KIAA0232: variants seen among roughly 807,000 people sequenced by gnomAD.
KIAA0232 encodes the protein uncharacterized protein KIAA0232.
In KIAA0232, 27 loss-of-function variants were observed where a neutral mutation model predicts 122.0. The ratio of observed to expected loss-of-function variants is 0.22; its 90% CI spans 0.16 to 0.31. The LOEUF is 0.31. Among genes scored for constraint, KIAA0232 ranks in the 10% least tolerant of loss-of-function variants. The probability of loss-of-function intolerance (pLI) is 1.00; values close to 1 mark genes in which losing one functional copy is unlikely to be tolerated. For synonymous variants in KIAA0232, 613 were observed against 587.6 expected, an observed-to-expected ratio of 1.04 and a Z score of -0.63; for missense variants, 1,551 against 1,634.2, an observed-to-expected ratio of 0.95 and a Z score of 0.88.
chr4:6,863,350 T>C lies in KIAA0232; in HGVS notation c.2968T>C (p.Trp990Arg), dbSNP rs755753009. 4.0e-5 allele frequency: 64 copies of C among 1,614,066 alleles called. No individual in the cohort carries two copies. Among genetic ancestry groups the C allele is most frequent in the East Asian group, 8.9e-5 (4 of 44,894 alleles). Residue 990 changes from tryptophan to arginine, a missense_variant, in exon 7 of 10, where the codon TGG becomes CGG. Transcript: ENST00000307659. The part of the protein sequence containing the change: ...NSFAPGHRQL[W>R]KPFVSFEQND... ...TTTTGCTCCTGGGCACAGGCAGTTA[T>C]GGAAACCCTTCGTGTCATTTGAACA...
At position 6,861,054 on chromosome 4, in the gene KIAA0232, C is replaced by G. The variant is rs756048536; in HGVS notation, c.672C>G (p.Asp224Glu). Residue 224 changes from aspartate (D) to glutamate (E), a missense_variant, in exon 7 of 10, where the codon GAC becomes GAG. Asp to Glu is a conservative substitution (Grantham distance 45, BLOSUM62 2). Around this residue, in one of 5 missense-constraint regions of KIAA0232, gnomAD observed 377 missense variants for 381.7 expected, o/e 0.99. Transcript: ENST00000307659. ...PASTDTSSPKDCNSESEVTKE... is the reference protein window; with the variant it reads ...PASTDTSSPKECNSESEVTKE... Reference sequence around the variant, plus strand: ...GCACAGATACTTCCTCTCCTAAGGACTGCAACAGTGAAAGTGAAGTCACCA... The same window carrying G: ...GCACAGATACTTCCTCTCCTAAGGAGTGCAACAGTGAAAGTGAAGTCACCA... The G allele has an allele frequency of 1.7e-5, 28 of 1,614,080 alleles. No homozygotes were observed. In the African/African-American group the frequency reaches 3.6e-4, roughly 21 times the overall value.
chr4:6,821,297 C>T (rs969467798), intron 2 of KIAA0232, among the ~76,000 whole-genome samples: 3 of 151,814 alleles, frequency 2.0e-5, no homozygotes, highest in Non-Finnish European at 2.9e-5. Context: ...GTGGTGATTT[C>T]TGAGATTTTG....
chr4:6,814,171 G>A (rs145137583), intron 2 of KIAA0232, among the ~76,000 whole-genome samples: 36 of 152,230 alleles, frequency 2.4e-4, no homozygotes, highest in Non-Finnish European at 4.1e-4. Flanking sequence ...GCAGATGTCT[G>A]TGTTCTAAAA....
chr4:6,878,384 C>T (rs10029720), intron 9 of KIAA0232, among the ~76,000 whole-genome samples: 1,997 of 47,634 alleles, frequency 0.042, 48 homozygotes, highest in African/African-American at 0.11. Flanking sequence ...TTCATTCATA[C>T]ATACATACAT....
intron 2 of KIAA0232, among the ~76,000 whole-genome samples, chr4:6,823,403 AG>A (rs1351413326): frequency 2.0e-5 from 3 of 152,162 alleles, no homozygotes; most frequent in Admixed American, 6.5e-5. Context: ...CAACAGTGTA[AG>A]AAGTGTTCCT....
chr4:6,848,583 ATAT>A (rs1289404523), intron 4 of KIAA0232, among the ~76,000 whole-genome samples: 3 of 152,198 alleles, frequency 2.0e-5, no homozygotes, highest in African/African-American at 7.2e-5. Flanking sequence ...TTATATGCAA[ATAT>A]TATGCCATTT....
At chr4:6,865,724 T>C (rs187955273) in intron 7 of KIAA0232, among the ~76,000 whole-genome samples, 1 of 152,274 alleles carries the variant, frequency 6.6e-6, no homozygotes, top group Non-Finnish European at 1.5e-5. Flanking sequence ...CACATCCAAA[T>C]CCTACCCATA....
chr4:6,853,831 G>A (rs1005627760), intron 4 of KIAA0232, among the ~76,000 whole-genome samples: 10 of 152,156 alleles, frequency 6.6e-5, no homozygotes, highest in Non-Finnish European at 1.5e-4. Context: ...GTAGGGATGG[G>A]AAGTGATAGG....
At chr4:6,791,163 G>A (rs186792460) in intron 1 of KIAA0232, among the ~76,000 whole-genome samples, 172 of 149,684 alleles carry the variant, frequency 1.1e-3, no homozygotes, top group African/African-American at 3.6e-3. Flanking sequence ...CAGGCAGTCC[G>A]CCCGCCTTGG....
rs1277913541 is a variant in KIAA0232 at position 6,883,209 on chromosome 4, C to T, written c.*2243C>T. 1 of 152,600 alleles carries T rather than the reference C, an allele frequency of 6.6e-6. No homozygotes were observed. The highest frequency in any genetic ancestry group is 1.5e-5 in the Non-Finnish European group (1 of 68,028). 9.5% of individuals were successfully genotyped at this position (152,600 alleles called of 1,614,324 possible). ...CGCTGAAACGCACTGTGGTATGAAG[C>T]GCATTGCATTTCCATAGCACTGAAG... is the stretch of plus-strand genomic sequence containing the variant. On this transcript the variant is annotated 3_prime_UTR_variant, in exon 10 of 10. Coordinates refer to ENST00000307659, the MANE Select transcript of KIAA0232 (RefSeq NM_014743.3).
chr4:6,871,602 G>C lies in KIAA0232; in HGVS notation c.3830G>C (p.Gly1277Ala), dbSNP rs761320749. The change falls in exon 8 of 10, where the codon GGA becomes GCA. Residue 1277 changes from glycine to alanine, a missense_variant. Physicochemically the swap from Gly to Ala is moderately conservative, Grantham distance 60. Coordinates refer to ENST00000307659, the MANE Select transcript of KIAA0232 (RefSeq NM_014743.3). ...EFPVLNTDIQ[G>A]MNRSQEKQTW... The stretch of plus-strand genomic sequence containing the variant: ...CCTGTATTGAACACTGATATACAAG[G>C]AATGAATAGAAGTCAAGAAAAACAG... 6.2e-7 allele frequency: 1 copy of C among 1,609,722 alleles called. No individual in the cohort carries two copies. Among genetic ancestry groups the C allele is most frequent in the South Asian group, 1.1e-5 (1 of 90,936 alleles).
Position 6,864,132 on chromosome 4 carries a change from T to G in KIAA0232, c.3750T>G (p.Cys1250Trp), listed in dbSNP as rs528329904. ...INNFCGCKAG[C>W]QFPAYEDNPV... ...ATTTTTGTGGTTGCAAAGCAGGTTG[T>G]CAGTTTCCTGCTTATGAAGATAATC... The change falls in exon 7 of 10, where the codon TGT (cysteine) becomes TGG (tryptophan). Residue 1250 changes from cysteine (C) to tryptophan (W), a missense_variant. This residue lies in a region of KIAA0232 where 1,108 missense variants were observed against 1,154.8 expected (regional missense o/e 0.96). Transcript: ENST00000307659. The G allele has an allele frequency of 1.8e-5, 29 of 1,614,130 alleles. No homozygotes were observed. The African/African-American group carries it at 2.1e-4, about 12-fold the overall frequency.
In KIAA0232 at chr4:6,841,962, A is replaced by G. The variant is rs1284019195; in HGVS notation, c.232-105A>G. 5.4e-6 allele frequency: 7 copies of G among 1,287,536 alleles called. No homozygotes were observed. The East Asian group carries it at 7.5e-5, about 14-fold the overall frequency. The allele number at this position is 1,287,536 out of a possible 1,614,324, so 79.8% of individuals were successfully genotyped here. A position where few individuals can be genotyped will look rare whatever the true frequency, so the allele number is the denominator to read the frequency against. ...TAGACAAGCCGATCCTAAAACTCGT[A>G]TGGAAATGCAAGGGGCCTTTTTGTG... On this transcript the variant is annotated intron_variant, in intron 3 of 9. Coordinates refer to ENST00000307659, the MANE Select transcript of KIAA0232 (RefSeq NM_014743.3).
intron 2 of KIAA0232, among the ~76,000 whole-genome samples, chr4:6,819,061 T>G (rs1056042045): frequency 6.6e-6 from 1 of 152,140 alleles, no homozygotes; most frequent in African/African-American, 2.4e-5. Context: ...CCTTTCAGCA[T>G]ATATAAAAAT....
At chr4:6,816,014 C>G (rs1416040206) in intron 2 of KIAA0232, among the ~76,000 whole-genome samples, 1 of 152,100 alleles carries the variant, frequency 6.6e-6, no homozygotes, top group Non-Finnish European at 1.5e-5. Context: ...TTAAAGTAAA[C>G]ATAATAAAAC....
At chr4:6,805,137 C>G (rs1196515059) in intron 2 of KIAA0232, among the ~76,000 whole-genome samples, 1 of 152,084 alleles carries the variant, frequency 6.6e-6, no homozygotes, top group East Asian at 1.9e-4. Flanking sequence ...GCAAGTTATC[C>G]TTTAAATGAT....
chr4:6,830,076 A>C (rs963068883), intron 3 of KIAA0232, among the ~76,000 whole-genome samples: 2 of 152,356 alleles, frequency 1.3e-5, no homozygotes, highest in East Asian at 3.9e-4. Context: ...AACCCAGCTC[A>C]ATCTGGCTTA....
chr4:6,798,057 CA>C (rs549805628), intron 1 of KIAA0232, among the ~76,000 whole-genome samples: 2,485 of 97,812 alleles, frequency 0.025, 55 homozygotes, highest in African/African-American at 0.076. Context: ...GACTCCGTCT[CA>C]AAAAAAAAAA....
chr4:6,849,127 C>T (rs1004359697), intron 4 of KIAA0232, among the ~76,000 whole-genome samples: 3 of 152,188 alleles, frequency 2.0e-5, no homozygotes, highest in African/African-American at 4.8e-5. Flanking sequence ...TAACTAAACA[C>T]GGTGAGTGAG....
Sources: allele counts gnomAD v4.1 joint callset (sites outside exome capture counted in the v4.1 genomes callset), GRCh38; gene constraint gnomAD v4.1.1; regional missense constraint gnomAD v4.1.1; transcripts MANE v1.5; gene names NCBI Gene and HGNC (gene_info 2026-07-23, HGNC 2026-07-21).